PLIN4: variants seen among roughly 807,000 people sequenced by gnomAD.
PLIN4 encodes perilipin 4.
PLIN4 carries 57 observed loss-of-function variants against 52.4 expected under a neutral mutation model. That is an observed-to-expected ratio of 1.09 (90% CI 0.88 to 1.36). PLIN4 has a LOEUF of 1.36. Among genes scored for constraint, PLIN4 ranks in the 40% most tolerant of loss-of-function variants. PLIN4 has a pLI of 0.00. For synonymous variants in PLIN4, 826 were observed against 785.4 expected, an observed-to-expected ratio of 1.05 and a Z score of -0.86; for missense variants, 1,757 against 1,770.3, an observed-to-expected ratio of 0.99 and a Z score of 0.13.
intron 6 of PLIN4, among the ~76,000 whole-genome samples, chr19:4,505,872 C>T (rs941218893): frequency 6.6e-5 from 10 of 152,124 alleles, no homozygotes; most frequent in Non-Finnish European, 8.8e-5. Context: ...CTCTGCAACC[C>T]GCCCGGCCTC....
Position 4,518,219 on chromosome 19 carries a change from T to C in PLIN4, c.51+3A>G. 1 of 1,233,148 alleles carries C rather than the reference T, an allele frequency of 8.1e-7. No individual in the cohort carries two copies. The highest frequency in any genetic ancestry group is 1.0e-6 in the Non-Finnish European group (1 of 988,800). The allele number at this position is 1,233,148 out of a possible 1,614,324, so 76.4% of individuals were successfully genotyped here. A position where few individuals can be genotyped will look rare whatever the true frequency, so the allele number is the denominator to read the frequency against. On this transcript the variant is annotated splice_donor_region_variant and intron_variant, in intron 2 of 7. Coordinates refer to ENST00000301286, the MANE Select transcript of PLIN4 (RefSeq NM_001367868.2). Reference sequence around the variant, plus strand: ...AAGAATCTGCCCCATTTCCCCTCTTTACCTTGCCCTTCGGTTTGGGGGGAT... The same window carrying C: ...AAGAATCTGCCCCATTTCCCCTCTTCACCTTGCCCTTCGGTTTGGGGGGAT...
intron 6 of PLIN4, among the ~76,000 whole-genome samples, 196 bp downstream of exon 6, chr19:4,508,572 G>A (rs1393891009): frequency 3.3e-5 from 5 of 152,144 alleles, no homozygotes; most frequent in African/African-American, 4.8e-5. Flanking sequence ...CAGCCTACCC[G>A]CTGTCTTTAA....
Position 4,510,631 on chromosome 19 carries a change from G to A in PLIN4, c.3329C>T (p.Ala1110Val). The A allele has an allele frequency of 6.6e-7, 1 of 1,507,216 alleles. No homozygotes were observed. The highest frequency in any genetic ancestry group is 8.9e-7 in the Non-Finnish European group (1 of 1,129,060). 93.4% of individuals were successfully genotyped at this position (1,507,216 alleles called of 1,614,324 possible). Reference sequence around the variant, plus strand: ...AGTCGCAAGGCCCTTGGTAGTGGCTGCGGCTTCCCAGGCAGGCTCCGGGCC... The same window carrying A: ...AGTCGCAAGGCCCTTGGTAGTGGCTACGGCTTCCCAGGCAGGCTCCGGGCC... ...SVGPEPAWEA[A>V]ATTKGLATDV... Residue 1110 changes from alanine to valine, a missense_variant, in exon 5 of 8, where the codon GCA becomes GTA. Ala to Val is a moderately conservative substitution (Grantham distance 64, BLOSUM62 0). Coordinates refer to ENST00000301286, the MANE Select transcript of PLIN4 (RefSeq NM_001367868.2).
In PLIN4 at chr19:4,510,465, G is replaced by C. The variant is rs547630066; in HGVS notation, c.3495C>G (p.Pro1165=). 7 of 1,427,472 alleles carry C rather than the reference G, an allele frequency of 4.9e-6. No homozygotes were observed. The highest frequency in any genetic ancestry group is 4.3e-5 in the African/African-American group (3 of 69,512). 88.4% of individuals were successfully genotyped at this position (1,427,472 alleles called of 1,614,324 possible). A position where few individuals can be genotyped will look rare whatever the true frequency, so the allele number is the denominator to read the frequency against. The change falls in exon 5 of 8, where the codon CCC becomes CCG. Residue 1165 remains proline, a synonymous_variant. Coordinates refer to ENST00000301286, the MANE Select transcript of PLIN4 (RefSeq NM_001367868.2). ...ELEGLGDIFH[P]MNAEEQAQLA... is the part of the protein sequence containing the mutation. Reference sequence around the variant, plus strand: ...CCTCACCTTGCTCCTCCGCATTCATGGGGTGGAAGATGTCCCCCAGCCCCT... The same window carrying C: ...CCTCACCTTGCTCCTCCGCATTCATCGGGTGGAAGATGTCCCCCAGCCCCT...
At chr19:4,509,677 T>C (rs1450103970) in intron 5 of PLIN4, among the ~76,000 whole-genome samples, 1 of 151,348 alleles carries the variant, frequency 6.6e-6, no homozygotes, top group Non-Finnish European at 1.5e-5. Flanking sequence ...TGGTGGCTCA[T>C]GCCTGTAATC....
rs1599733456 is a variant in PLIN4, at chr19:4,504,195, G to A, written c.*264C>T. 4 of 421,440 alleles carry A rather than the reference G, an allele frequency of 9.5e-6. No individual in the cohort carries two copies. In the Admixed American group the frequency reaches 1.2e-4, roughly 13 times the overall value. The allele number at this position is 421,440 out of a possible 1,614,324, so 26.1% of individuals were successfully genotyped here. A position where few individuals can be genotyped will look rare whatever the true frequency, so the allele number is the denominator to read the frequency against. ...CTTCAAGGGAAGGCTCTTGGCTGGT[G>A]GTCTGAGTGACCCCAGGCTCCGAGA... On this transcript the variant is annotated 3_prime_UTR_variant, in exon 8 of 8. Coordinates refer to ENST00000301286, the MANE Select transcript of PLIN4 (RefSeq NM_001367868.2).
chr19:4,504,757 A>T lies in PLIN4; in HGVS notation c.3818T>A (p.Val1273Asp). ...EERDAGVLSR[V>D]CGLLRQLHTA... ...GTGCAGCTGCCGGAGAAGGCCGCAG[A>T]CCCTGGACAGAACCCCGGCATCCCG... The change falls in exon 8 of 8, where the codon GTC becomes GAC. Residue 1273 changes from valine to aspartate, a missense_variant. Physicochemically the swap from Val to Asp is radical, Grantham distance 152. Around this residue, in one of 7 missense-constraint regions of PLIN4, gnomAD observed 712 missense variants for 637.1 expected, o/e 1.12. Transcript: ENST00000301286. The T allele has an allele frequency of 6.2e-7, 1 of 1,600,468 alleles. No individual in the cohort carries two copies. The highest frequency in any genetic ancestry group is 8.5e-7 in the Non-Finnish European group (1 of 1,173,350).
intron 6 of PLIN4, among the ~76,000 whole-genome samples, chr19:4,505,973 CA>C (rs1976080952): frequency 6.6e-6 from 1 of 152,140 alleles, no homozygotes; most frequent in Non-Finnish European, 1.5e-5. Context: ...CGGACCCGGG[CA>C]GCTCTGACTT....
rs376773141 is a variant in PLIN4 at position 4,512,676 on chromosome 19, G to A, written c.1284C>T (p.Ile428=). 3.0e-4 allele frequency: 472 copies of A among 1,555,318 alleles called. 51 individuals carry two copies. The highest frequency in any genetic ancestry group is 3.9e-4 in the Non-Finnish European group (447 of 1,156,756). ...AGACGGTGTCCTTTGTACCTGTTGC[G>A]ATATTTTGGGTTGTGTTCAGCCCAG... The part of the protein sequence containing the change: ...MQTGLNTTQN[I]ATGTKDTVCS... The change falls in exon 5 of 8, where the codon ATC becomes ATT. Residue 428 remains isoleucine, a synonymous_variant. Coordinates refer to ENST00000301286, the MANE Select transcript of PLIN4 (RefSeq NM_001367868.2).
chr19:4,514,421 C>T (rs1251631132), intron 4 of PLIN4, among the ~76,000 whole-genome samples: 1 of 152,090 alleles, frequency 6.6e-6, no homozygotes, highest in Non-Finnish European at 1.5e-5. Context: ...GTACTCCAGC[C>T]TGGGCAACAA....
chr19:4,513,762 G>A (rs2145295440), intron 4 of PLIN4, 61 bp from the exon 5 acceptor site: 1 of 1,502,756 alleles, frequency 6.7e-7, no homozygotes, highest in Non-Finnish European at 8.9e-7. Context: ...CCACCCCGAT[G>A]TCTGCCAGCC....
In PLIN4 at chr19:4,504,928, G is replaced by A. The variant is rs1299968499; in HGVS notation, c.3722C>T (p.Ala1241Val). ...GTCCAGACGTGGCTGCCCTTCTGGA[G>A]CCTGCTGGGCCTTTTCAATCTGGAG... ...CFRLIEKAQQ[A>V]PEGQPRLDQG... Residue 1241 changes from alanine (A) to valine (V), a missense_variant, in exon 7 of 8, where the codon GCT becomes GTT. Physicochemically the swap from Ala to Val is moderately conservative, Grantham distance 64. This residue lies in a region of PLIN4 where 712 missense variants were observed against 637.1 expected (regional missense o/e 1.12). Coordinates refer to ENST00000301286, the MANE Select transcript of PLIN4 (RefSeq NM_001367868.2). 6.2e-7 allele frequency: 1 copy of A among 1,605,442 alleles called. No homozygotes were observed. The highest frequency in any genetic ancestry group is 8.5e-7 in the Non-Finnish European group (1 of 1,176,980).
intron 5 of PLIN4, among the ~76,000 whole-genome samples, chr19:4,510,245 A>G (rs7251917): frequency 6.6e-6 from 1 of 151,716 alleles, no homozygotes; most frequent in Non-Finnish European, 1.5e-5. Context: ...GGGCGCCTGT[A>G]GTCCCAGCTG....
Position 4,508,953 on chromosome 19 carries a change from G to C in PLIN4, c.3517C>G (p.Gln1173Glu). The change falls in exon 6 of 8, where the codon CAG (glutamine) becomes GAG (glutamate). Residue 1173 changes from glutamine to glutamate, a missense_variant and splice_region_variant. By Grantham distance (29) the Gln-to-Glu change is conservative. This residue lies in a region of PLIN4 where 712 missense variants were observed against 637.1 expected (regional missense o/e 1.12). Coordinates refer to ENST00000301286, the MANE Select transcript of PLIN4 (RefSeq NM_001367868.2). ...FHPMNAEEQAQLAASQPGPKV... is the reference protein window; with the variant it reads ...FHPMNAEEQAELAASQPGPKV... ...GGCCCAGGCTGGGAGGCAGCCAGCT[G>C]AGCTGGAAAGGAAGGCGCACCGCTC... 1 of 1,610,090 alleles carries C rather than the reference G, an allele frequency of 6.2e-7. No individual in the cohort carries two copies. The highest frequency in any genetic ancestry group is 1.1e-5 in the South Asian group (1 of 90,656).
Position 4,504,774 on chromosome 19 carries a change from G to GA in PLIN4, c.3800_3801insT (p.Gly1268ArgfsTer44). 6.3e-7 allele frequency: 1 copy of GA among 1,599,482 alleles called. No homozygotes were observed. Among genetic ancestry groups the GA allele is most frequent in the African/African-American group, 1.3e-5 (1 of 74,858 alleles). ...GGCCGCAGACCCTGGACAGAACCCC[G>GA]GCATCCCGCTCCTGTGGGAGGAAGG... On this transcript the variant is annotated frameshift_variant, in exon 8 of 8. Coordinates refer to ENST00000301286, the MANE Select transcript of PLIN4 (RefSeq NM_001367868.2). LOFTEE classifies it low-confidence loss of function (END_TRUNC).
At chr19:4,510,033 C>A (rs1976237434) in intron 5 of PLIN4, among the ~76,000 whole-genome samples, 1 of 151,232 alleles carries the variant, frequency 6.6e-6, no homozygotes, top group Admixed American at 6.6e-5. Context: ...CAGGGAGACC[C>A]CCATCTGAAA....
At position 4,504,146 on chromosome 19, in the gene PLIN4, C is replaced by G; in HGVS notation, c.*313G>C. 3.2e-6 allele frequency: 1 copy of G among 313,146 alleles called. No individual in the cohort carries two copies. The highest frequency in any genetic ancestry group is 5.8e-6 in the Non-Finnish European group (1 of 171,378). 19.4% of individuals were successfully genotyped at this position (313,146 alleles called of 1,614,324 possible). The stretch of plus-strand genomic sequence containing the variant: ...CTGGGCACGCTGCTTTTTCTCTTTC[C>G]TAATTGCAGTGCTTGCTTGGGGACT... On this transcript the variant is annotated 3_prime_UTR_variant, in exon 8 of 8. Transcript: ENST00000301286.
intron 6 of PLIN4, among the ~76,000 whole-genome samples, chr19:4,507,389 T>A (rs1168684110): frequency 6.6e-6 from 1 of 152,144 alleles, no homozygotes; most frequent in Non-Finnish European, 1.5e-5. Flanking sequence ...CTGGGCTACA[T>A]AGGGAGGCCC....
At position 4,511,490 on chromosome 19, in the gene PLIN4, C is replaced by T. The variant is rs113169027; in HGVS notation, c.2470G>A (p.Val824Met). Reference protein sequence around the residue: ...VQMGVDTAKTVLTGTKDTVCS... With the variant: ...VQMGVDTAKTMLTGTKDTVCS... ...ACAGTGTCCTTGGTACCGGTCAGCACGGTCTTGGCCGTGTCTACACCCATC... is the reference window on the plus strand; with the variant it reads ...ACAGTGTCCTTGGTACCGGTCAGCATGGTCTTGGCCGTGTCTACACCCATC... Residue 824 changes from valine to methionine, a missense_variant, in exon 5 of 8, where the codon GTG becomes ATG. Val to Met is a conservative substitution (Grantham distance 21). Coordinates refer to ENST00000301286, the MANE Select transcript of PLIN4 (RefSeq NM_001367868.2). The T allele has an allele frequency of 4.0e-4, 611 of 1,519,516 alleles. 1 individual carries two copies. In the African/African-American group the frequency reaches 9.9e-3, roughly 25 times the overall value. 94.1% of individuals were successfully genotyped at this position (1,519,516 alleles called of 1,614,324 possible).
Sources: allele counts gnomAD v4.1 joint callset (sites outside exome capture counted in the v4.1 genomes callset), GRCh38; gene constraint gnomAD v4.1.1; regional missense constraint gnomAD v4.1.1; transcripts MANE v1.5; gene names NCBI Gene and HGNC (gene_info 2026-07-23, HGNC 2026-07-21).